PTK2: variants seen among roughly 807,000 people sequenced by gnomAD.
The protein encoded by PTK2 is protein tyrosine kinase 2.
PTK2 carries 45 observed loss-of-function variants against 150.1 expected under a neutral mutation model. That is an observed-to-expected ratio of 0.30 (90% CI 0.24 to 0.38). The LOEUF is 0.38. Ranked by LOEUF, PTK2 falls within the 10% of genes least tolerant of loss-of-function variation. The pLI is 1.00. For missense variants in PTK2, 919 were observed against 1,307.3 expected (o/e 0.70, Z 4.58); for synonymous variants, 432 against 449.2 (o/e 0.96, Z 0.48).
chr8:140,924,603 A>T (rs1025228863), intron 2 of PTK2, among the ~76,000 whole-genome samples: 5 of 152,286 alleles, frequency 3.3e-5, no homozygotes, highest in African/African-American at 1.2e-4. Context: ...GACGTCAGTG[A>T]CAGTATGGCT....
chr8:140,935,702 C>CTTTTTTTTTTTTTTTTTTTTTTTTTTTTT lies in PTK2; in HGVS notation c.-121-9954_-121-9953insAAAAAAAAAAAAAAAAAAAAAAAAAAAAA, dbSNP rs34554819. On this transcript the variant is annotated intron_variant, in intron 1 of 31. Coordinates refer to ENST00000522684, the Ensembl canonical transcript of PTK2. ...ATCTCAATGCTCAGTATGTCCTCATCTTTTTTTTTTTTTTTGAGACAGAGT... is the reference window on the plus strand; with the variant it reads ...ATCTCAATGCTCAGTATGTCCTCATCTTTTTTTTTTTTTTTTTTTTTTTTTTTTTTTTTTTTTTTTTTTTGAGACAGAGT... Among the ~76,000 whole-genome samples, 4 of 123,862 alleles carry CTTTTTTTTTTTTTTTTTTTTTTTTTTTTT rather than the reference C, an allele frequency of 3.2e-5. 1 individual carries two copies. The highest frequency in any genetic ancestry group is 9.1e-5 in the African/African-American group (3 of 32,986). The allele number at this position is 123,862 out of a possible 152,430, so 81.3% of individuals were successfully genotyped here. A position where few individuals can be genotyped will look rare whatever the true frequency, so the allele number is the denominator to read the frequency against.
At chr8:140,943,058 A>G (rs2100176401) in intron 1 of PTK2, among the ~76,000 whole-genome samples, 1 of 152,122 alleles carries the variant, frequency 6.6e-6, no homozygotes, top group Admixed American at 6.5e-5. Context: ...AGCCGGTGCC[A>G]TGTTTCCTGT....
chr8:140,702,209 C>T (rs1591163679), intron 25 of PTK2, among the ~76,000 whole-genome samples: 1 of 131,638 alleles, frequency 7.6e-6, no homozygotes, highest in African/African-American at 2.8e-5. Context: ...TTAGGCCATG[C>T]TTTATTTATT....
At chr8:140,878,844 T>TAA (rs34124997) in intron 4 of PTK2, among the ~76,000 whole-genome samples, 97 of 128,636 alleles carry the variant, frequency 7.5e-4, no homozygotes, top group African/African-American at 2.3e-3. Context: ...TGCTTAGTAG[T>TAA]AAAAAAAAAA....
chr8:140,915,812 G>C (rs1219736101), intron 2 of PTK2, among the ~76,000 whole-genome samples: 2 of 152,154 alleles, frequency 1.3e-5, no homozygotes, highest in Non-Finnish European at 2.9e-5. Flanking sequence ...TGAGGCAGGA[G>C]AATCACTTGA....
At chr8:140,808,733 G>GT (rs57600032) in intron 10 of PTK2, among the ~76,000 whole-genome samples, 7,459 of 116,478 alleles carry the variant, frequency 0.064, 639 homozygotes, top group African/African-American at 0.16. Flanking sequence ...TTTTGTTCTT[G>GT]TTTTTTTTTT....
chr8:140,868,986 G>T, intron 4 of PTK2, among the ~76,000 whole-genome samples: 1 of 152,070 alleles, frequency 6.6e-6, no homozygotes. Flanking sequence ...TTAATATTTA[G>T]GGAAACTGGC....
chr8:140,673,858 C>G (rs532056063), intron 29 of PTK2, among the ~76,000 whole-genome samples: 2 of 152,168 alleles, frequency 1.3e-5, no homozygotes, highest in Admixed American at 1.3e-4. Context: ...TTTACAAACC[C>G]AATTCTAACT....
chr8:140,745,965 A>G (rs1419817718), intron 18 of PTK2, among the ~76,000 whole-genome samples: 1 of 150,374 alleles, frequency 6.7e-6, no homozygotes, highest in Admixed American at 6.7e-5. Context: ...GCGCCATTGC[A>G]CTCCAGCTTG....
chr8:140,796,495 T>C (rs1426335172), intron 12 of PTK2, among the ~76,000 whole-genome samples: 1 of 152,252 alleles, frequency 6.6e-6, no homozygotes, highest in Non-Finnish European at 1.5e-5. Context: ...GTGTGATTTC[T>C]GTTTGTATTC....
At chr8:140,841,397 C>T (rs1275348860) in intron 7 of PTK2, among the ~76,000 whole-genome samples, 1 of 152,016 alleles carries the variant, frequency 6.6e-6, no homozygotes, top group African/African-American at 2.4e-5. Flanking sequence ...ACAGACCACG[C>T]TATCTGAGCA....
At position 140,772,517 on chromosome 8, in the gene PTK2, G is replaced by A. The variant is rs77511562; in HGVS notation, c.1178-8227C>T. Among the ~76,000 whole-genome samples, 55 of 152,346 alleles carry A rather than the reference G, an allele frequency of 3.6e-4. No homozygotes were observed. The East Asian group carries it at 9.5e-3, about 26-fold the overall frequency. ...AAGGGAAAGATCAGGAAGCAACAGC[G>A]ATACGGAACATTACTGGTATGAAAT... On this transcript the variant is annotated intron_variant, in intron 14 of 31. Coordinates refer to ENST00000522684, the Ensembl canonical transcript of PTK2.
At position 140,925,649 on chromosome 8, in the gene PTK2, C is replaced by T. The variant is rs1339631809; in HGVS notation, c.-33+12G>A. On this transcript the variant is annotated intron_variant, in intron 2 of 31. Coordinates refer to ENST00000522684, the Ensembl canonical transcript of PTK2. ...TCACTTTCTTTGCAAAGTTTCTTAA[C>T]CATTACTATACCTCCCTTCCGTTAT... 5.1e-6 allele frequency: 5 copies of T among 985,096 alleles called. No homozygotes were observed. The highest frequency in any genetic ancestry group is 1.2e-4 in the Admixed American group (2 of 16,264). The allele number at this position is 985,096 out of a possible 1,614,324, so 61.0% of individuals were successfully genotyped here.
intron 14 of PTK2, among the ~76,000 whole-genome samples, chr8:140,775,051 CT>C (rs2100077612): frequency 6.6e-6 from 1 of 152,212 alleles, no homozygotes; most frequent in African/African-American, 2.4e-5. Flanking sequence ...TCTTTTATTC[CT>C]TTGCTTTCAT....
intron 1 of PTK2, among the ~76,000 whole-genome samples, chr8:140,957,475 T>C (rs1437509164): frequency 3.9e-5 from 6 of 152,202 alleles, no homozygotes; most frequent in Admixed American, 2.6e-4. Context: ...GCTACGGTTA[T>C]TACTGAAGAA....
At chr8:140,693,936 A>G (rs542019611) in intron 26 of PTK2, among the ~76,000 whole-genome samples, 38 of 152,342 alleles carry the variant, frequency 2.5e-4, no homozygotes, top group African/African-American at 9.1e-4. Context: ...AGCTGACCTT[A>G]CTGAAGTAAA....
chr8:140,894,382 G>A lies in PTK2; in HGVS notation c.-32-3613C>T, dbSNP rs375431336. ...CCAGTTTATGTATTTTGTTACAATCGTCCCAAGTGAAGAGATATACTTAAC... is the reference window on the plus strand; with the variant it reads ...CCAGTTTATGTATTTTGTTACAATCATCCCAAGTGAAGAGATATACTTAAC... On this transcript the variant is annotated intron_variant, in intron 2 of 31. Coordinates refer to ENST00000522684, the Ensembl canonical transcript of PTK2. 1.6e-4 allele frequency among the ~76,000 whole-genome samples: 24 copies of A among 152,218 alleles called. No homozygotes were observed. In the East Asian group the frequency reaches 3.3e-3, roughly 21 times the overall value.
chr8:140,744,805 A>AT, intron 18 of PTK2, 38 bp from the exon 22 acceptor site: 1 of 1,191,136 alleles, frequency 8.4e-7, no homozygotes, highest in Non-Finnish European at 1.2e-6. Context: ...AAAAAAAAAA[A>AT]GAATTAGTGG....
intron 26 of PTK2, among the ~76,000 whole-genome samples, chr8:140,693,028 A>G (rs1161722397): frequency 6.6e-6 from 1 of 152,206 alleles, no homozygotes; most frequent in Non-Finnish European, 1.5e-5. Flanking sequence ...TTTTAAGCAT[A>G]GTATCACATT....
Sources: allele counts gnomAD v4.1 joint callset (sites outside exome capture counted in the v4.1 genomes callset), GRCh38; gene constraint gnomAD v4.1.1; transcripts MANE v1.5; gene names NCBI Gene and HGNC (gene_info 2026-07-23, HGNC 2026-07-21).